Variants in RSRC1 observed in about 807,000 individuals in gnomAD.
RSRC1 encodes serine/Arginine-related protein 53.
Under a neutral mutation model 49.1 loss-of-function variants are expected in RSRC1, and 39 were observed. The observed-to-expected ratio is 0.79, with a 90% CI of 0.61 to 1.04. The LOEUF (loss-of-function observed/expected upper bound fraction) is 1.04, where lower values mean the gene tolerates loss of function less well. Ranked by LOEUF, RSRC1 falls within the 50% of genes least tolerant of loss-of-function variation. RSRC1 has a pLI of 0.00. For missense variants in RSRC1, 388 were observed against 402.4 expected (o/e 0.96, Z 0.31); for synonymous variants, 143 against 130.8 (o/e 1.09, Z -0.63).
intron 6 of RSRC1, among the ~76,000 whole-genome samples, chr3:158,440,163 G>A (rs1282777328): frequency 6.2e-5 from 9 of 146,184 alleles, no homozygotes; most frequent in African/African-American, 2.2e-4. Context: ...TTGTGAAAGA[G>A]TGTGGTATAT....
intron 3 of RSRC1, among the ~76,000 whole-genome samples, chr3:158,157,340 A>T (rs571983375): frequency 6.6e-6 from 1 of 152,166 alleles, no homozygotes; most frequent in South Asian, 2.1e-4. Context: ...TTATTTCCTG[A>T]TGAGGAAACT....
intron 1 of RSRC1, among the ~76,000 whole-genome samples, chr3:158,121,243 G>A (rs982140725): frequency 1.3e-5 from 2 of 151,762 alleles, no homozygotes; most frequent in East Asian, 3.9e-4. Context: ...TGTCAAAAAA[G>A]CATCAACATT....
chr3:158,434,284 G>A (rs11707386), intron 6 of RSRC1, among the ~76,000 whole-genome samples: 33,049 of 151,710 alleles, frequency 0.22, 4,214 homozygotes, highest in Non-Finnish European at 0.29. Flanking sequence ...GATGCTTTTA[G>A]GTAGGGTTTC....
At chr3:158,525,980 CATGTACCA>C (rs1322141395) in intron 7 of RSRC1, among the ~76,000 whole-genome samples, 1 of 151,860 alleles carries the variant, frequency 6.6e-6, no homozygotes, top group Non-Finnish European at 1.5e-5. Flanking sequence ...ACAGAATTAA[CATGTACCA>C]AAACTCACCA....
intron 7 of RSRC1, among the ~76,000 whole-genome samples, chr3:158,527,575 C>T (rs1352343286): frequency 6.6e-6 from 1 of 151,846 alleles, no homozygotes; most frequent in Admixed American, 6.6e-5. Flanking sequence ...ATATAAGACT[C>T]TGGAGTTATT....
intron 6 of RSRC1, among the ~76,000 whole-genome samples, chr3:158,441,734 C>T (rs1208262756): frequency 6.6e-6 from 1 of 152,086 alleles, no homozygotes; most frequent in African/African-American, 2.4e-5. Flanking sequence ...GATAACACAA[C>T]TTCAGGATAC....
chr3:158,341,637 G>A (rs1401127893), intron 5 of RSRC1, among the ~76,000 whole-genome samples: 1 of 152,206 alleles, frequency 6.6e-6, no homozygotes, highest in Non-Finnish European at 1.5e-5. Context: ...CCAGGACAGT[G>A]CAGAATGGAA....
intron 4 of RSRC1, among the ~76,000 whole-genome samples, chr3:158,259,073 T>C (rs1219104610): frequency 6.6e-6 from 1 of 152,206 alleles, no homozygotes; most frequent in Non-Finnish European, 1.5e-5. Context: ...TTGAGTTTCT[T>C]TGGTGAGGCC....
intron 7 of RSRC1, among the ~76,000 whole-genome samples, chr3:158,504,156 G>A (rs1000872546): frequency 1.3e-5 from 2 of 152,196 alleles, no homozygotes; most frequent in African/African-American, 4.8e-5. Flanking sequence ...TCTCCAGTGG[G>A]GGTGTGTGTT....
intron 3 of RSRC1, among the ~76,000 whole-genome samples, chr3:158,196,986 G>C (rs9882507): frequency 0.012 from 1,790 of 152,232 alleles, 30 homozygotes; most frequent in African/African-American, 0.041. Context: ...TCTCTGCCAG[G>C]CTTTGGTATC....
intron 6 of RSRC1, among the ~76,000 whole-genome samples, chr3:158,439,266 A>G (rs1011398619): frequency 1.2e-4 from 18 of 152,116 alleles, no homozygotes; most frequent in Admixed American, 2.0e-4. Context: ...CAATTCCTCA[A>G]GGATCTAGAA....
At chr3:158,124,514 G>A (rs1236731471) in intron 3 of RSRC1, among the ~76,000 whole-genome samples, 2 of 152,078 alleles carry the variant, frequency 1.3e-5, no homozygotes, top group African/African-American at 4.8e-5. Flanking sequence ...CTTTTTAAAT[G>A]TTTGGTGGAA....
At chr3:158,392,968 G>C (rs932315242) in intron 6 of RSRC1, among the ~76,000 whole-genome samples, 23 of 151,954 alleles carry the variant, frequency 1.5e-4, no homozygotes, top group African/African-American at 5.6e-4. Context: ...AATCATGCTA[G>C]CCACATTCTT....
intron 7 of RSRC1, among the ~76,000 whole-genome samples, chr3:158,488,453 TG>T (rs1296529559): frequency 6.6e-6 from 1 of 152,206 alleles, no homozygotes; most frequent in Non-Finnish European, 1.5e-5. Flanking sequence ...TGTTGTGACC[TG>T]CCATCCATGT....
chr3:158,151,649 C>T (rs1024983009), intron 3 of RSRC1, among the ~76,000 whole-genome samples: 12 of 152,042 alleles, frequency 7.9e-5, no homozygotes, highest in African/African-American at 1.7e-4. Flanking sequence ...TCCTGTGCTG[C>T]GCGGTGTGAA....
At chr3:158,304,347 C>T (rs1007267017) in intron 5 of RSRC1, among the ~76,000 whole-genome samples, 1 of 152,062 alleles carries the variant, frequency 6.6e-6, no homozygotes, top group Non-Finnish European at 1.5e-5. Context: ...TGCTGTATTT[C>T]GGTTTTCAGA....
At chr3:158,201,258 G>A (rs1314842877) in intron 3 of RSRC1, among the ~76,000 whole-genome samples, 2 of 151,980 alleles carry the variant, frequency 1.3e-5, no homozygotes, top group South Asian at 2.1e-4. Flanking sequence ...GTAATGTGTT[G>A]TTTTTTCCTC....
chr3:158,379,070 T>C (rs1732543218), intron 6 of RSRC1, among the ~76,000 whole-genome samples: 1 of 128,302 alleles, frequency 7.8e-6, no homozygotes, highest in Non-Finnish European at 1.5e-5. Context: ...GTCACCACCA[T>C]CTCTCACCTG....
chr3:158,393,782 G>A (rs1733458723), intron 6 of RSRC1, among the ~76,000 whole-genome samples: 1 of 151,844 alleles, frequency 6.6e-6, no homozygotes, highest in African/African-American at 2.4e-5. Flanking sequence ...CCAAAGTTAG[G>A]AGCTCCTCAC....
Sources: gnomAD v4.1 joint callset for allele counts (sites outside exome capture counted in the v4.1 genomes callset) on GRCh38, gnomAD v4.1.1 for gene constraint, MANE v1.5 for transcripts, NCBI Gene and HGNC (gene_info 2026-07-23, HGNC 2026-07-21) for gene names.